STK3: variants seen among roughly 807,000 people sequenced by gnomAD.
STK3 encodes serine/threonine kinase 3.
STK3 carries 41 observed loss-of-function variants against 58.0 expected under a neutral mutation model. That is an observed-to-expected ratio of 0.71 (90% CI 0.55 to 0.92). STK3 has a LOEUF of 0.92. STK3 is among the 40% of genes least tolerant of loss of function. The pLI is 0.00. For missense variants in STK3, 479 were observed against 602.7 expected, an observed-to-expected ratio of 0.79 and a Z score of 2.15; for synonymous variants, 170 against 191.0, an observed-to-expected ratio of 0.89 and a Z score of 0.91.
chr8:98,897,875 T>C (rs144321985), intron 1 of STK3, among the ~76,000 whole-genome samples: 33 of 152,330 alleles, frequency 2.2e-4, no homozygotes, highest in Middle Eastern at 3.4e-3. Context: ...TAAAGCATAC[T>C]GATATGATCA....
chr8:98,828,463 A>C (rs1398819863), upstream of STK3, among the ~76,000 whole-genome samples: 1 of 150,872 alleles, frequency 6.6e-6, no homozygotes, highest in Non-Finnish European at 1.5e-5. Flanking sequence ...AAAAAAAAAA[A>C]AACAAAAGAA....
intron 10 of STK3, among the ~76,000 whole-genome samples, chr8:98,490,445 C>T (rs1822597605): frequency 6.6e-6 from 1 of 152,146 alleles, no homozygotes. Flanking sequence ...TAATAGCTGA[C>T]ACTCTTTTTT....
In STK3 at chr8:98,577,007, A is replaced by G. The variant is rs568229425; in HGVS notation, c.948+2657T>C. On this transcript the variant is annotated intron_variant, in intron 8 of 10. Transcript: ENST00000419617. Reference sequence around the variant, plus strand: ...GCTGAGCTAGAAAATAAAGGATATTAGGTATATAAGCAAAAATGTCATAAT... The same window carrying G: ...GCTGAGCTAGAAAATAAAGGATATTGGGTATATAAGCAAAAATGTCATAAT... Among the ~76,000 whole-genome samples the G allele has an allele frequency of 2.6e-5, 4 of 152,316 alleles. No individual in the cohort carries two copies. In the South Asian group the frequency reaches 8.3e-4, roughly 32 times the overall value.
chr8:98,664,795 G>A (rs1822216340), intron 6 of STK3, among the ~76,000 whole-genome samples: 1 of 152,080 alleles, frequency 6.6e-6, no homozygotes, highest in African/African-American at 2.4e-5. Context: ...AGCTACTTGG[G>A]AGGCTGAGGC....
At chr8:98,395,281 G>C (rs944442869) in intron 3 of STK3, among the ~76,000 whole-genome samples, 3 of 151,978 alleles carry the variant, frequency 2.0e-5, no homozygotes, top group Admixed American at 6.6e-5. Flanking sequence ...CAAAAACGAG[G>C]AAAAATTATT....
At chr8:98,507,416 T>C (rs1447496084) in intron 10 of STK3, among the ~76,000 whole-genome samples, 2 of 152,238 alleles carry the variant, frequency 1.3e-5, no homozygotes, top group Non-Finnish European at 2.9e-5. Flanking sequence ...TTGTTGCCTA[T>C]ATATTAAAAA....
chr8:98,679,273 G>A (rs1823451380), intron 6 of STK3, among the ~76,000 whole-genome samples: 1 of 152,098 alleles, frequency 6.6e-6, no homozygotes, highest in Non-Finnish European at 1.5e-5. Context: ...TCTATGATCT[G>A]GACCAGGAAT....
At chr8:98,432,502 G>A (rs1818351102) in intron 3 of STK3, 1 of 167,124 alleles carries the variant, frequency 6.0e-6, no homozygotes, top group Non-Finnish European at 1.5e-5. Context: ...TTGTGAGTGA[G>A]GAAGGGCATG....
At chr8:98,466,023 C>G (rs1820436632) in intron 10 of STK3, among the ~76,000 whole-genome samples, 2 of 152,122 alleles carry the variant, frequency 1.3e-5, no homozygotes. Context: ...CAAAAGCAAC[C>G]AGTAATTAAA....
intron 4 of STK3, chr8:98,722,925 C>T (rs369421606): frequency 2.0e-6 from 1 of 499,974 alleles, no homozygotes; most frequent in Non-Finnish European, 4.0e-6. Flanking sequence ...GATCCATTCT[C>T]AAATCACAGC....
At chr8:98,749,679 G>A (rs1587508431) in intron 3 of STK3, among the ~76,000 whole-genome samples, 1 of 152,012 alleles carries the variant, frequency 6.6e-6, no homozygotes, top group East Asian at 1.9e-4. Flanking sequence ...TACTTAACAT[G>A]AGGAACAAAT....
Position 98,774,721 on chromosome 8 carries a change from C to T in STK3, c.107+18G>A. On this transcript the variant is annotated intron_variant, in intron 2 of 10. Transcript: ENST00000419617. ...TGTTCTGAAATTATTTACATGCTTT[C>T]ATACTTTTTGTACTTACCCTTCTCC... The T allele has an allele frequency of 5.2e-6, 8 of 1,527,280 alleles. No individual in the cohort carries two copies. Among genetic ancestry groups the T allele is most frequent in the South Asian group, 1.3e-5 (1 of 78,658 alleles). 94.6% of individuals were successfully genotyped at this position (1,527,280 alleles called of 1,614,324 possible).
At chr8:98,556,130 G>T (rs939809554) in intron 8 of STK3, among the ~76,000 whole-genome samples, 10 of 152,018 alleles carry the variant, frequency 6.6e-5, no homozygotes, top group African/African-American at 2.4e-4. Flanking sequence ...TAAGGTAGGG[G>T]ACAGGGATTG....
At chr8:98,369,990 A>G (rs1229750020), downstream of STK3, among the ~76,000 whole-genome samples, 1 of 151,900 alleles carries the variant, frequency 6.6e-6, no homozygotes, top group East Asian at 1.9e-4. Flanking sequence ...GTGCTAAAGG[A>G]AGGTGAGCCC....
At chr8:98,660,930 C>T (rs1195266166) in intron 6 of STK3, among the ~76,000 whole-genome samples, 1 of 151,988 alleles carries the variant, frequency 6.6e-6, no homozygotes, top group Non-Finnish European at 1.5e-5. Flanking sequence ...TGAGAGAATT[C>T]ACTGCTAGCA....
At chr8:98,747,064 T>A in intron 4 of STK3, among the ~76,000 whole-genome samples, 2 of 95,080 alleles carry the variant, frequency 2.1e-5, no homozygotes, top group African/African-American at 4.3e-5. Flanking sequence ...AAAGAAAACA[T>A]GAAGTAAAAT....
the STK3 span, among the ~76,000 whole-genome samples, chr8:98,348,019 A>C: frequency 1.1e-4 from 17 of 152,218 alleles, no homozygotes; most frequent in Admixed American, 1.0e-3. Flanking sequence ...ACTTACTATA[A>C]ATCTACGATA....
intron 6 of STK3, among the ~76,000 whole-genome samples, chr8:98,654,045 G>C (rs1216125869): frequency 6.6e-6 from 1 of 152,158 alleles, no homozygotes; most frequent in Non-Finnish European, 1.5e-5. Context: ...GAGAATTTTA[G>C]ACCAATATCC....
intron 1 of STK3, among the ~76,000 whole-genome samples, chr8:98,448,103 A>G (rs996756029): frequency 3.9e-5 from 6 of 151,996 alleles, no homozygotes; most frequent in African/African-American, 1.4e-4. Context: ...TTGTTAAAGC[A>G]ATTAATTTAC....
Sources: gnomAD v4.1 joint callset for allele counts (sites outside exome capture counted in the v4.1 genomes callset) on GRCh38, gnomAD v4.1.1 for gene constraint, MANE v1.5 for transcripts, NCBI Gene and HGNC (gene_info 2026-07-23, HGNC 2026-07-21) for gene names.